Variants in ENPP2 observed in about 807,000 individuals in gnomAD.
The protein encoded by ENPP2 is autotaxin.
In ENPP2, 51 loss-of-function variants were observed where a neutral mutation model predicts 120.2. That is an observed-to-expected ratio of 0.42 (90% CI 0.34 to 0.54). The LOEUF is 0.54. Ranked by LOEUF, ENPP2 falls within the 20% of genes least tolerant of loss-of-function variation. ENPP2 has a pLI of 0.04. For missense variants in ENPP2, 920 were observed against 1,066.5 expected (o/e 0.86, Z 1.91); for synonymous variants, 365 against 366.4 (o/e 1.00, Z 0.04).
At chr8:119,668,791 A>T (rs1264361332) in intron 1 of ENPP2, among the ~76,000 whole-genome samples, 1 of 152,180 alleles carries the variant, frequency 6.6e-6, no homozygotes, top group Non-Finnish European at 1.5e-5. Flanking sequence ...TGATTTTATC[A>T]TCCGTTTAAA....
At chr8:119,617,709 G>A (rs1288703327) in intron 5 of ENPP2, 146 bp from the exon 6 acceptor site, 1 of 620,140 alleles carries the variant, frequency 1.6e-6, no homozygotes, top group Non-Finnish European at 2.8e-6. Flanking sequence ...AGCACTTTGG[G>A]AGTCCGAGGC....
At chr8:119,624,174 C>T (rs1291642715) in intron 3 of ENPP2, among the ~76,000 whole-genome samples, 1 of 152,024 alleles carries the variant, frequency 6.6e-6, no homozygotes, top group Non-Finnish European at 1.5e-5. Flanking sequence ...TATTAATAAG[C>T]TATGTTTATT....
chr8:119,566,127 T>C (rs1280057511), intron 22 of ENPP2, among the ~76,000 whole-genome samples: 1 of 152,240 alleles, frequency 6.6e-6, no homozygotes, highest in Non-Finnish European at 1.5e-5. Flanking sequence ...CATGTCTGCT[T>C]TCTCCTCTAT....
At chr8:119,579,463 T>C (rs933453243) in intron 19 of ENPP2, among the ~76,000 whole-genome samples, 5 of 152,200 alleles carry the variant, frequency 3.3e-5, no homozygotes, top group African/African-American at 1.2e-4. Flanking sequence ...TCCTTCAGCC[T>C]GGGTTCCAGA....
intron 1 of ENPP2, among the ~76,000 whole-genome samples, chr8:119,655,444 G>T (rs967924368): frequency 6.6e-6 from 1 of 152,084 alleles, no homozygotes; most frequent in Non-Finnish European, 1.5e-5. Context: ...TGAAAATCTG[G>T]ACTCTCTGGC....
intron 24 of ENPP2, among the ~76,000 whole-genome samples, chr8:119,562,136 CAA>C (rs879796217): frequency 1.5e-5 from 2 of 130,930 alleles, no homozygotes; most frequent in Non-Finnish European, 3.2e-5. Context: ...GACTCCGCCT[CAA>C]AAAAAAAAAA....
intron 2 of ENPP2, among the ~76,000 whole-genome samples, chr8:119,635,038 C>T (rs769022743): frequency 2.0e-5 from 3 of 152,192 alleles, no homozygotes; most frequent in Non-Finnish European, 4.4e-5. Context: ...GAGTTTTGCT[C>T]ACAGAGCAAA....
At chr8:119,596,177 C>T (rs547242571) in intron 11 of ENPP2, among the ~76,000 whole-genome samples, 80 of 152,288 alleles carry the variant, frequency 5.3e-4, no homozygotes, top group Middle Eastern at 3.4e-3. Context: ...TGGAGAGAAG[C>T]CTCCTAAATT....
intron 1 of ENPP2, among the ~76,000 whole-genome samples, chr8:119,644,607 TATATATATATATATATATAC>T (rs949871661): frequency 1.6e-4 from 16 of 99,872 alleles, no homozygotes; most frequent in South Asian, 3.6e-4. Context: ...TATATATATA[TATATATATATATATATATAC>T]ACACACACAC....
intron 8 of ENPP2, among the ~76,000 whole-genome samples, chr8:119,614,372 G>A (rs1815322908): frequency 6.6e-6 from 1 of 151,892 alleles, no homozygotes; most frequent in South Asian, 2.1e-4. Flanking sequence ...GCCCCTCCTA[G>A]GAATTCTTAT....
chr8:119,601,213 T>C (rs556741513), intron 10 of ENPP2, among the ~76,000 whole-genome samples, 184 bp downstream of exon 10: 3 of 152,342 alleles, frequency 2.0e-5, no homozygotes, highest in East Asian at 3.9e-4. Flanking sequence ...ATCCAAGTAA[T>C]TAAATGGTCC....
intron 13 of ENPP2, among the ~76,000 whole-genome samples, chr8:119,590,063 C>A (rs1393955175): frequency 6.6e-6 from 1 of 152,276 alleles, no homozygotes; most frequent in South Asian, 2.1e-4. Context: ...CTCCTAGGAA[C>A]CCCCACAGTC....
intron 22 of ENPP2, among the ~76,000 whole-genome samples, chr8:119,567,491 C>T (rs1322010168): frequency 2.0e-5 from 3 of 152,116 alleles, no homozygotes; most frequent in East Asian, 1.9e-4. Context: ...TTTTTGTGCC[C>T]GAGCTCATTG....
At chr8:119,566,076 C>G (rs756501518) in intron 22 of ENPP2, among the ~76,000 whole-genome samples, 3 of 152,200 alleles carry the variant, frequency 2.0e-5, no homozygotes, top group Non-Finnish European at 4.4e-5. Context: ...AGCTTTTGCA[C>G]TTGCTCTTTC....
rs117156492 is a variant in ENPP2, at chr8:119,558,585, G to T, written c.2422-894C>A. 1.2e-3 allele frequency among the ~76,000 whole-genome samples: 178 copies of T among 152,198 alleles called. 4 individuals are homozygous for T. In the East Asian group the frequency reaches 0.028, roughly 24 times the overall value. ...TTTCATGTCTAACTTGAAACTAAAA[G>T]GTAATTCAGGGGAAGCAGTTCTTTG... On this transcript the variant is annotated intron_variant, in intron 24 of 24. Coordinates refer to ENST00000075322, the MANE Select transcript of ENPP2 (RefSeq NM_001040092.3).
At chr8:119,646,465 T>C (rs112556827) in intron 1 of ENPP2, among the ~76,000 whole-genome samples, 230 of 152,288 alleles carry the variant, frequency 1.5e-3, no homozygotes, top group African/African-American at 5.3e-3. Flanking sequence ...CACCAGGTGC[T>C]TCTGATGCGA....
At chr8:119,596,571 CAT>C (rs1306753155) in intron 11 of ENPP2, among the ~76,000 whole-genome samples, 1 of 152,172 alleles carries the variant, frequency 6.6e-6, no homozygotes, top group Non-Finnish European at 1.5e-5. Flanking sequence ...CGGAATGAAA[CAT>C]AAATAATAAG....
At chr8:119,567,530 A>G (rs1472475425) in intron 22 of ENPP2, among the ~76,000 whole-genome samples, 2 of 152,226 alleles carry the variant, frequency 1.3e-5, no homozygotes, top group Non-Finnish European at 2.9e-5. Flanking sequence ...CTTCACCAGC[A>G]TCCACAAATA....
Position 119,638,434 on chromosome 8 carries a change from G to C in ENPP2, c.127C>G (p.Pro43Ala). 1 of 1,575,624 alleles carries C rather than the reference G, an allele frequency of 6.3e-7. No individual in the cohort carries two copies. Among genetic ancestry groups the C allele is most frequent in the African/African-American group, 1.3e-5 (1 of 74,240 alleles). Residue 43 changes from proline (P) to alanine (A), a missense_variant, in exon 2 of 25, where the codon CCT (proline) becomes GCT (alanine). By Grantham distance (27) the Pro-to-Ala change is conservative. Coordinates refer to ENST00000075322, the MANE Select transcript of ENPP2 (RefSeq NM_001040092.3). ...TAGTTTTGACACTTACCTGTAGGAGGACCTTCCTCCCATCCTTCTGCTCTC... is the reference window on the plus strand; with the variant it reads ...TAGTTTTGACACTTACCTGTAGGAGCACCTTCCTCCCATCCTTCTGCTCTC... ...IKRAEGWEEGPPTVLSDSPWT... is the reference protein window; with the variant it reads ...IKRAEGWEEGAPTVLSDSPWT...
Sources: allele counts gnomAD v4.1 joint callset (sites outside exome capture counted in the v4.1 genomes callset), GRCh38; gene constraint gnomAD v4.1.1; transcripts MANE v1.5; gene names NCBI Gene and HGNC (gene_info 2026-07-23, HGNC 2026-07-21).